The following PAPOLA variants were observed in gnomAD, a reference collection of about 807,000 sequenced individuals.
PAPOLA encodes polynucleotide adenylyltransferase alpha.
A neutral mutation model predicts 100.6 loss-of-function variants in PAPOLA; 15 were observed. The ratio of observed to expected loss-of-function variants is 0.15; its 90% CI spans 0.10 to 0.23. The LOEUF (loss-of-function observed/expected upper bound fraction) is 0.23, where lower values mean the gene tolerates loss of function less well. Ranked by LOEUF, PAPOLA falls within the 10% of genes least tolerant of loss-of-function variation. The probability of loss-of-function intolerance (pLI) is 1.00; values close to 1 mark genes in which losing one functional copy is unlikely to be tolerated. For synonymous variants in PAPOLA, 293 were observed against 300.0 expected (o/e 0.98, Z 0.24); for missense variants, 533 against 884.2 (o/e 0.60, Z 5.04).
At chr14:96,552,910 T>G (rs774234940) in intron 17 of PAPOLA, 1 of 349,840 alleles carries the variant, frequency 2.9e-6, no homozygotes, top group African/African-American at 2.1e-5. Context: ...ACTGCTACAG[T>G]GCACTGTATG....
chr14:96,527,766 G>A (rs946240397), intron 5 of PAPOLA, 187 bp from the exon 6 acceptor site: 32 of 625,302 alleles, frequency 5.1e-5, no homozygotes, highest in Admixed American at 1.1e-4. Context: ...AAATAATCTG[G>A]CCACAATCAT....
intron 6 of PAPOLA, among the ~76,000 whole-genome samples, chr14:96,528,227 T>G (rs539743743): frequency 6.6e-6 from 1 of 152,344 alleles, no homozygotes; most frequent in South Asian, 2.1e-4. Context: ...ACAGAAGTAA[T>G]GAAACCTTAA....
chr14:96,514,599 C>T (rs1269601109), intron 1 of PAPOLA, among the ~76,000 whole-genome samples: 2 of 152,148 alleles, frequency 1.3e-5, no homozygotes, highest in African/African-American at 4.8e-5. Flanking sequence ...AATAAATAGC[C>T]AACAGTCAAC....
At chr14:96,534,329 G>T in intron 9 of PAPOLA, 162 bp from the exon 10 acceptor site, 1 of 1,381,322 alleles carries the variant, frequency 7.2e-7, no homozygotes, top group Non-Finnish European at 9.3e-7. Context: ...AGGAGAAAAA[G>T]ATTTTGAGTA....
chr14:96,536,135 T>A (rs771454897), intron 11 of PAPOLA, 136 bp downstream of exon 11: 14 of 590,308 alleles, frequency 2.4e-5, no homozygotes, highest in Non-Finnish European at 3.7e-5. Context: ...TTTATTACAG[T>A]ATATATTTGA....
chr14:96,536,050 A>T (rs773561075), intron 11 of PAPOLA, 51 bp downstream of exon 11: 1 of 1,372,904 alleles, frequency 7.3e-7, no homozygotes, highest in Non-Finnish European at 9.7e-7. Context: ...TTTACGTACC[A>T]TTGTAGACCC....
chr14:96,562,607 T>G (rs1901947927), intron 20 of PAPOLA: 1 of 370,542 alleles, frequency 2.7e-6, no homozygotes, highest in African/African-American at 2.1e-5. Flanking sequence ...CCTTATAAGA[T>G]TTAAGTAGGC....
chr14:96,513,883 T>G (rs1479745122), intron 1 of PAPOLA, among the ~76,000 whole-genome samples: 1 of 152,236 alleles, frequency 6.6e-6, no homozygotes, highest in Admixed American at 6.5e-5. Flanking sequence ...TATTTTGATG[T>G]AAGTAAACCT....
At chr14:96,519,510 A>C (rs1350946679) in intron 1 of PAPOLA, among the ~76,000 whole-genome samples, 1 of 152,236 alleles carries the variant, frequency 6.6e-6, no homozygotes, top group Non-Finnish European at 1.5e-5. Context: ...GACTAGCATC[A>C]TTATCGAAGT....
chr14:96,561,032 C>T (rs1901799417), intron 20 of PAPOLA, among the ~76,000 whole-genome samples: 1 of 152,076 alleles, frequency 6.6e-6, no homozygotes, highest in Non-Finnish European at 1.5e-5. Flanking sequence ...GCAGAAATAG[C>T]AGTACATGTC....
At chr14:96,509,732 G>C (rs974225317) in intron 1 of PAPOLA, among the ~76,000 whole-genome samples, 1 of 152,174 alleles carries the variant, frequency 6.6e-6, no homozygotes, top group Non-Finnish European at 1.5e-5. Context: ...ACATTAGGAA[G>C]CATTTGTGTA....
chr14:96,533,232 G>C (rs1314617921), intron 9 of PAPOLA: 1 of 983,256 alleles, frequency 1.0e-6, no homozygotes, highest in Non-Finnish European at 1.2e-6. Context: ...AGAAAAAGTA[G>C]AATAAAAGAT....
At position 96,566,232 on chromosome 14, in the gene PAPOLA, C is replaced by T. The variant is rs1309659417; in HGVS notation, c.*1182C>T. 3 of 260,452 alleles carry T rather than the reference C, an allele frequency of 1.2e-5. No individual in the cohort carries two copies. Among genetic ancestry groups the T allele is most frequent in the South Asian group, 1.7e-4 (1 of 5,866 alleles). The allele number at this position is 260,452 out of a possible 1,614,324, so 16.1% of individuals were successfully genotyped here. On this transcript the variant is annotated 3_prime_UTR_variant, in exon 22 of 22. Coordinates refer to ENST00000216277, the MANE Select transcript of PAPOLA (RefSeq NM_032632.5). Reference sequence around the variant, plus strand: ...TACCAAAATTTGTCAGTACATTTTACGTGTAGAAGCATTTTAAAAATCATT... The same window carrying T: ...TACCAAAATTTGTCAGTACATTTTATGTGTAGAAGCATTTTAAAAATCATT...
In PAPOLA at chr14:96,562,825, C is replaced by G. The variant is rs762369812; in HGVS notation, c.2074C>G (p.Leu692Val). 2.0e-5 allele frequency: 32 copies of G among 1,605,494 alleles called. 1 individual carries two copies. The South Asian group carries it at 3.3e-4, about 17-fold the overall frequency. ...CATCCTCTTTGTCTCACAGGAACAA[C>G]TTGATACAGAGACAAGTACAACTCA... Reference protein sequence around the residue: ...GHDKTEAKEQLDTETSTTQSE... With the variant: ...GHDKTEAKEQVDTETSTTQSE... Residue 692 changes from leucine to valine, a missense_variant, in exon 21 of 22, where the codon CTT becomes GTT. Transcript: ENST00000216277.
intron 17 of PAPOLA, among the ~76,000 whole-genome samples, chr14:96,554,593 T>TGAGA (rs143432474): frequency 6.6e-6 from 1 of 151,184 alleles, no homozygotes; most frequent in Non-Finnish European, 1.5e-5. Context: ...GTGATAGCTC[T>TGAGA]GAGAGAGAGA....
chr14:96,546,856 C>G (rs145410310), intron 15 of PAPOLA, among the ~76,000 whole-genome samples: 130 of 152,168 alleles, frequency 8.5e-4, no homozygotes, highest in African/African-American at 3.0e-3. Context: ...TTTCTTGTTT[C>G]TCAAATGTTC....
At chr14:96,546,206 C>A (rs1331097421) in intron 15 of PAPOLA, among the ~76,000 whole-genome samples, 1 of 151,942 alleles carries the variant, frequency 6.6e-6, no homozygotes, top group Non-Finnish European at 1.5e-5. Context: ...GATGTTAATC[C>A]ACTATAAAAT....
chr14:96,530,417 G>A (rs1242511738), intron 6 of PAPOLA, among the ~76,000 whole-genome samples: 1 of 149,308 alleles, frequency 6.7e-6, no homozygotes, highest in East Asian at 2.0e-4. Context: ...CTGAGGCAGG[G>A]TCTTACTTTA....
chr14:96,562,816 C>T lies in PAPOLA; in HGVS notation c.2068-3C>T, dbSNP rs1280979002. On this transcript the variant is annotated splice_polypyrimidine_tract_variant and splice_region_variant and intron_variant, in intron 20 of 21. Transcript: ENST00000216277. Reference sequence around the variant, plus strand: ...CCCCTTCCCCATCCTCTTTGTCTCACAGGAACAACTTGATACAGAGACAAG... The same window carrying T: ...CCCCTTCCCCATCCTCTTTGTCTCATAGGAACAACTTGATACAGAGACAAG... 5 of 1,594,196 alleles carry T rather than the reference C, an allele frequency of 3.1e-6. No individual in the cohort carries two copies. Among genetic ancestry groups the T allele is most frequent in the Non-Finnish European group, 4.3e-6 (5 of 1,164,460 alleles).
Sources: allele counts gnomAD v4.1 joint callset (sites outside exome capture counted in the v4.1 genomes callset), GRCh38; gene constraint gnomAD v4.1.1; transcripts MANE v1.5; gene names NCBI Gene and HGNC (gene_info 2026-07-23, HGNC 2026-07-21).